The following ANO6 variants were observed in gnomAD, a reference collection of about 807,000 sequenced individuals.
ANO6 encodes the protein anoctamin 6.
Under a neutral mutation model 117.5 loss-of-function variants are expected in ANO6, and 106 were observed. The observed-to-expected ratio is 0.90, with a 90% CI of 0.77 to 1.06. The LOEUF is 1.06. Among genes scored for constraint, ANO6 ranks in the 50% least tolerant of loss-of-function variants. The probability of loss-of-function intolerance (pLI) is 0.00; values close to 1 mark genes in which losing one functional copy is unlikely to be tolerated. For missense variants in ANO6, 955 were observed against 1,121.1 expected, an observed-to-expected ratio of 0.85 and a Z score of 2.12; for synonymous variants, 367 against 385.1, an observed-to-expected ratio of 0.95 and a Z score of 0.55.
chr12:45,392,859 C>T (rs1426378009), intron 12 of ANO6, among the ~76,000 whole-genome samples: 1 of 152,144 alleles, frequency 6.6e-6, no homozygotes, highest in Non-Finnish European at 1.5e-5. Context: ...ACATCAAAGA[C>T]CAAAGGTAGA....
chr12:45,267,917 A>C (rs903809592), intron 1 of ANO6, among the ~76,000 whole-genome samples: 19 of 152,236 alleles, frequency 1.2e-4, no homozygotes, highest in Non-Finnish European at 2.5e-4. Context: ...GTATATGAAA[A>C]GATAAGTCAA....
At position 45,429,547 on chromosome 12, in the gene ANO6, C is replaced by CCAA; in HGVS notation, c.*236_*237insCAA. Reference sequence around the variant, plus strand: ...CGGAAAACCTCAATGTTACCTTTTTCTGATAAATTGGAATTTTACAGAAAA... The same window carrying CCAA: ...CGGAAAACCTCAATGTTACCTTTTTCCAATGATAAATTGGAATTTTACAGAAAA... On this transcript the variant is annotated 3_prime_UTR_variant, in exon 20 of 20. Coordinates refer to ENST00000320560, the MANE Select transcript of ANO6 (RefSeq NM_001025356.3). 1 of 1,311,620 alleles carries CCAA rather than the reference C, an allele frequency of 7.6e-7. No individual in the cohort carries two copies. Among genetic ancestry groups the CCAA allele is most frequent in the East Asian group, 3.4e-5 (1 of 29,650 alleles). 81.2% of individuals were successfully genotyped at this position (1,311,620 alleles called of 1,614,324 possible).
intron 10 of ANO6, among the ~76,000 whole-genome samples, chr12:45,381,516 G>A (rs1473049550): frequency 6.6e-6 from 1 of 152,230 alleles, no homozygotes; most frequent in African/African-American, 2.4e-5. Flanking sequence ...TTGTGAGTCA[G>A]CACTGGCGTG....
intron 1 of ANO6, among the ~76,000 whole-genome samples, chr12:45,296,945 TA>T (rs1291393297): frequency 2.6e-5 from 4 of 152,230 alleles, no homozygotes; most frequent in East Asian, 1.9e-4. Context: ...TATAGTGCTT[TA>T]TTTTTTTTTA....
At chr12:45,350,279 G>A (rs1169804721) in intron 6 of ANO6, among the ~76,000 whole-genome samples, 1 of 152,184 alleles carries the variant, frequency 6.6e-6, no homozygotes, top group Non-Finnish European at 1.5e-5. Context: ...TTTCCCCATT[G>A]TCCAAGGAGA....
chr12:45,364,019 A>G (rs1941622444), intron 8 of ANO6, among the ~76,000 whole-genome samples: 1 of 152,206 alleles, frequency 6.6e-6, no homozygotes, highest in Non-Finnish European at 1.5e-5. Flanking sequence ...GATTTTATTT[A>G]TCTGGGAATG....
intron 16 of ANO6, among the ~76,000 whole-genome samples, chr12:45,413,815 A>T (rs903362995): frequency 1.1e-4 from 17 of 152,162 alleles, no homozygotes; most frequent in African/African-American, 4.1e-4. Flanking sequence ...TAATTGCTAG[A>T]CCTGGGTTGG....
chr12:45,327,932 C>A (rs1940526400), intron 2 of ANO6, among the ~76,000 whole-genome samples: 1 of 152,092 alleles, frequency 6.6e-6, no homozygotes, highest in African/African-American at 2.4e-5. Flanking sequence ...GGCCACTAAT[C>A]TTCAGAAGCT....
chr12:45,402,733 AG>A (rs1942825091), intron 13 of ANO6, among the ~76,000 whole-genome samples: 1 of 152,230 alleles, frequency 6.6e-6, no homozygotes, highest in Non-Finnish European at 1.5e-5. Flanking sequence ...ATCATTTAGC[AG>A]GCAGTTCAAA....
chr12:45,255,818 G>GGTTTTTTTTTTTTTTTTTTTTTTTTT (rs749001458), intron 1 of ANO6, among the ~76,000 whole-genome samples: 15 of 81,712 alleles, frequency 1.8e-4, no homozygotes, highest in African/African-American at 5.9e-4. Flanking sequence ...CTCCCTGGGT[G>GGTTTTTTTTTTTTTTTTTTTTTTTTT]TTTTTTTTTT....
intron 1 of ANO6, among the ~76,000 whole-genome samples, chr12:45,248,120 C>A (rs1372604743): frequency 6.6e-6 from 1 of 152,170 alleles, no homozygotes; most frequent in African/African-American, 2.4e-5. Context: ...GAAAAAGTTT[C>A]ATAAATAGTA....
intron 1 of ANO6, among the ~76,000 whole-genome samples, chr12:45,236,024 A>C (rs997297675): frequency 5.9e-5 from 9 of 152,206 alleles, no homozygotes; most frequent in African/African-American, 1.9e-4. Flanking sequence ...TGAAGGGGAG[A>C]AGGGTCCTCT....
chr12:45,225,952 A>T (rs1316067518), intron 1 of ANO6, among the ~76,000 whole-genome samples: 5 of 152,232 alleles, frequency 3.3e-5, no homozygotes, highest in Non-Finnish European at 7.3e-5. Flanking sequence ...GTAAAGATAC[A>T]GATTGAAGGA....
At position 45,431,044 on chromosome 12, in the gene ANO6, T is replaced by A; in HGVS notation, c.*1733T>A. 1 of 985,416 alleles carries A rather than the reference T, an allele frequency of 1.0e-6. No homozygotes were observed. The highest frequency in any genetic ancestry group is 1.2e-6 in the Non-Finnish European group (1 of 829,930). 61.0% of individuals were successfully genotyped at this position (985,416 alleles called of 1,614,324 possible). ...ATTGATTTCAAATGCCTGCCATGAA[T>A]GATTTGTAAGTAATTATGTAGGATC... On this transcript the variant is annotated 3_prime_UTR_variant, in exon 20 of 20. Transcript: ENST00000320560.
intron 1 of ANO6, among the ~76,000 whole-genome samples, chr12:45,281,146 A>G (rs1938718155): frequency 1.3e-5 from 2 of 152,186 alleles, no homozygotes; most frequent in Admixed American, 6.5e-5. Context: ...ACAAAAATAT[A>G]TCTTCCTCAA....
Position 45,256,653 on chromosome 12 carries a change from CTGTT to C in ANO6, c.70+40265_70+40268del, listed in dbSNP as rs1344167214. 10 of 152,102 alleles carry C rather than the reference CTGTT, an allele frequency of 6.6e-5. No individual in the cohort carries two copies. In the East Asian group the frequency reaches 9.6e-4, roughly 15 times the overall value. 9.4% of individuals were successfully genotyped at this position (152,102 alleles called of 1,614,324 possible). A position where few individuals can be genotyped will look rare whatever the true frequency, so the allele number is the denominator to read the frequency against. On this transcript the variant is annotated intron_variant, in intron 1 of 19. Transcript: ENST00000320560. ...ACCCTTTGTATAGCCCAAGTAATGA[CTGTT>C]TGATATTTATTATAAAGCATATTAA...
At chr12:45,283,743 A>T (rs1005056742) in intron 1 of ANO6, among the ~76,000 whole-genome samples, 1 of 152,012 alleles carries the variant, frequency 6.6e-6, no homozygotes, top group South Asian at 2.1e-4. Flanking sequence ...AGCATTTCTC[A>T]TCTTCCTTTC....
chr12:45,397,948 GT>G (rs1347269386), intron 12 of ANO6, among the ~76,000 whole-genome samples: 2 of 148,660 alleles, frequency 1.3e-5, no homozygotes, highest in Non-Finnish European at 3.0e-5. Context: ...AAACCTGCAC[GT>G]TGTGCACGTG....
intron 1 of ANO6, among the ~76,000 whole-genome samples, chr12:45,239,395 A>G (rs1438291072): frequency 6.6e-6 from 1 of 152,086 alleles, no homozygotes; most frequent in East Asian, 1.9e-4. Context: ...TATCCACTTT[A>G]TCATTTTTTA....
Sources: gnomAD v4.1 joint callset for allele counts (sites outside exome capture counted in the v4.1 genomes callset) on GRCh38, gnomAD v4.1.1 for gene constraint, MANE v1.5 for transcripts, NCBI Gene and HGNC (gene_info 2026-07-23, HGNC 2026-07-21) for gene names.